EBF4: variants seen among roughly 807,000 people sequenced by gnomAD.
EBF4 encodes the protein transcription factor COE4.
EBF4 carries 34 observed loss-of-function variants against 67.1 expected under a neutral mutation model. The ratio of observed to expected loss-of-function variants is 0.51; its 90% CI spans 0.39 to 0.67. EBF4 has a LOEUF of 0.67. EBF4 is among the 30% of genes least tolerant of loss of function. EBF4 has a pLI of 0.00. For missense variants in EBF4, 837 were observed against 873.3 expected (o/e 0.96, Z 0.52); for synonymous variants, 387 against 377.7 (o/e 1.02, Z -0.29).
At chr20:2,731,658 G>T (rs770790165) in intron 6 of EBF4, among the ~76,000 whole-genome samples, 30 of 152,174 alleles carry the variant, frequency 2.0e-4, no homozygotes, top group Non-Finnish European at 4.0e-4. Context: ...CATCTGTCTG[G>T]CCACTTCTAC....
chr20:2,721,814 T>G (rs1017961569), intron 6 of EBF4, among the ~76,000 whole-genome samples: 2 of 152,230 alleles, frequency 1.3e-5, no homozygotes, highest in Non-Finnish European at 2.9e-5. Flanking sequence ...CTATTATATT[T>G]TTCTGCTGAT....
chr20:2,695,320 A>T (rs1393815640), intron 1 of EBF4, among the ~76,000 whole-genome samples: 1 of 152,078 alleles, frequency 6.6e-6, no homozygotes, highest in Non-Finnish European at 1.5e-5. Context: ...GGGGAAGCAG[A>T]CGTGAAGGAG....
intron 6 of EBF4, 99 bp from the exon 7 acceptor site, chr20:2,748,450 G>T: frequency 1.8e-6 from 2 of 1,141,468 alleles, no homozygotes; most frequent in Non-Finnish European, 2.5e-6. Flanking sequence ...AGGCAGAGGG[G>T]ACTCATCCTG....
Position 2,751,620 on chromosome 20 carries a change from T to C in EBF4, c.1019-80T>C, listed in dbSNP as rs1347325472. On this transcript the variant is annotated intron_variant, in intron 10 of 16. Coordinates refer to ENST00000609451, the Ensembl canonical transcript of EBF4. This position sits in a 1 kb window ranked among gnomAD's most constrained non-coding sequence, Gnocchi z 5.2. The stretch of plus-strand genomic sequence containing the variant: ...GAGGCTCTCGGACTGGGCGCTGGCC[T>C]GCTTTTGGCGCCCTGCGTCTCACCC... 1.4e-6 allele frequency: 2 copies of C among 1,450,502 alleles called. No individual in the cohort carries two copies. Among genetic ancestry groups the C allele is most frequent in the African/African-American group, 1.4e-5 (1 of 70,980 alleles). The allele number at this position is 1,450,502 out of a possible 1,614,324, so 89.9% of individuals were successfully genotyped here. A position where few individuals can be genotyped will look rare whatever the true frequency, so the allele number is the denominator to read the frequency against.
intron 1 of EBF4, among the ~76,000 whole-genome samples, chr20:2,702,160 G>A (rs559736608): frequency 5.9e-5 from 9 of 152,308 alleles, no homozygotes; most frequent in Admixed American, 3.9e-4. Flanking sequence ...GAGGCCGGGC[G>A]CAGTGGCTCA....
chr20:2,706,215 G>A lies in EBF4; in HGVS notation c.365G>A (p.Arg122Gln), dbSNP rs369945641. The change falls in exon 4 of 17, where the codon CGG (arginine) becomes CAG (glutamine). Residue 122 changes from arginine to glutamine, a missense_variant. Arg to Gln is a conservative substitution (Grantham distance 43). Around this residue, in one of 3 missense-constraint regions of EBF4, gnomAD observed 226 missense variants for 306.5 expected, o/e 0.74. Transcript: ENST00000609451. ...CTCCATCTTCCCATCCTAGGACTGCGGACAGAGCAAGACCTCTACGTGCGT... is the reference window on the plus strand; with the variant it reads ...CTCCATCTTCCCATCCTAGGACTGCAGACAGAGCAAGACCTCTACGTGCGT... The A allele has an allele frequency of 8.4e-6, 13 of 1,552,052 alleles. No homozygotes were observed. The African/African-American group carries it at 1.1e-4, about 13-fold the overall frequency.
chr20:2,714,428 C>T (rs1225064927), intron 6 of EBF4, among the ~76,000 whole-genome samples: 1 of 152,064 alleles, frequency 6.6e-6, no homozygotes, highest in African/African-American at 2.4e-5. Flanking sequence ...TCATAGCTCA[C>T]TGCACCTCGA....
At chr20:2,694,033 G>T (rs1032468432) in intron 1 of EBF4, among the ~76,000 whole-genome samples, 2 of 152,212 alleles carry the variant, frequency 1.3e-5, no homozygotes, top group African/African-American at 4.8e-5. Flanking sequence ...CGGGTGCGGC[G>T]GTGAACGCCA....
chr20:2,742,819 G>A (rs893826972), intron 6 of EBF4, among the ~76,000 whole-genome samples: 5 of 152,166 alleles, frequency 3.3e-5, no homozygotes, highest in African/African-American at 1.2e-4. Context: ...AAGCTTTAGA[G>A]GTGGGGGGTG....
rs201079828 is a variant in EBF4, at chr20:2,751,797, A to AGGGGC, written c.1107+25_1107+29dup. 1,048 of 553,388 alleles carry AGGGGC rather than the reference A, an allele frequency of 1.9e-3. 5 individuals carry two copies. Among genetic ancestry groups the AGGGGC allele is most frequent in the Non-Finnish European group, 5.7e-4 (178 of 310,908 alleles). The allele number at this position is 553,388 out of a possible 1,614,324, so 34.3% of individuals were successfully genotyped here. On this transcript the variant is annotated intron_variant, in intron 11 of 16. Coordinates refer to ENST00000609451, the Ensembl canonical transcript of EBF4. The surrounding 1 kb of genome is among the most constrained non-coding windows in gnomAD (Gnocchi z 5.2). Reference sequence around the variant, plus strand: ...CCGAGAGGCTGCCCAAGGTACTCAGAGGGGCGGGGCGGGGCGGGGCTGAGG... The same window carrying AGGGGC: ...CCGAGAGGCTGCCCAAGGTACTCAGAGGGGCGGGGCGGGGCGGGGCGGGGCTGAGG...
intron 14 of EBF4, among the ~76,000 whole-genome samples, chr20:2,753,321 T>G (rs940336823): frequency 1.3e-5 from 2 of 152,152 alleles, no homozygotes; most frequent in African/African-American, 4.8e-5. Context: ...CAGAGCTGGG[T>G]GGACAGGCAA....
At chr20:2,702,408 A>T (rs955446167) in intron 1 of EBF4, among the ~76,000 whole-genome samples, 1 of 150,862 alleles carries the variant, frequency 6.6e-6, no homozygotes, top group African/African-American at 2.5e-5. Context: ...AGCCTGGGTG[A>T]CAGAGCAAGA....
intron 6 of EBF4, among the ~76,000 whole-genome samples, chr20:2,728,623 G>A (rs2087774465): frequency 6.6e-6 from 1 of 152,076 alleles, no homozygotes; most frequent in East Asian, 1.9e-4. Context: ...TTCTTTCTGA[G>A]CTTTTGTAGA....
At position 2,693,853 on chromosome 20, in the gene EBF4, A is replaced by C. The variant is rs2087248248; in HGVS notation, c.137+71A>C. 8.0e-7 allele frequency: 1 copy of C among 1,253,776 alleles called. No homozygotes were observed. Among genetic ancestry groups the C allele is most frequent in the Non-Finnish European group, 1.0e-6 (1 of 998,694 alleles). 77.7% of individuals were successfully genotyped at this position (1,253,776 alleles called of 1,614,324 possible). A position where few individuals can be genotyped will look rare whatever the true frequency, so the allele number is the denominator to read the frequency against. On this transcript the variant is annotated intron_variant, in intron 1 of 16. Transcript: ENST00000609451. The surrounding 1 kb of genome is among the most constrained non-coding windows in gnomAD (Gnocchi z 4.6). ...GCGCCGCCTCAGCTCAGCTTGCTGG[A>C]GCTGCTGGAGCCAGGGGCGGAAGGA... is the stretch of plus-strand genomic sequence containing the variant.
intron 6 of EBF4, among the ~76,000 whole-genome samples, chr20:2,719,392 C>T (rs1174415426): frequency 6.6e-6 from 1 of 152,090 alleles, no homozygotes; most frequent in South Asian, 2.1e-4. Flanking sequence ...CTCCTGCCTC[C>T]GCCTCCTGAG....
chr20:2,703,134 G>A (rs923033968), intron 1 of EBF4, among the ~76,000 whole-genome samples: 1 of 151,918 alleles, frequency 6.6e-6, no homozygotes, highest in East Asian at 1.9e-4. Flanking sequence ...GTGCATGCCT[G>A]TAGTCCCAGC....
At chr20:2,735,511 A>G (rs1264976880) in intron 6 of EBF4, among the ~76,000 whole-genome samples, 1 of 152,228 alleles carries the variant, frequency 6.6e-6, no homozygotes, top group Non-Finnish European at 1.5e-5. Context: ...GATTTTGACC[A>G]TGTTTGCCAG....
intron 6 of EBF4, among the ~76,000 whole-genome samples, chr20:2,715,006 G>A (rs889644364): frequency 5.3e-5 from 8 of 152,018 alleles, no homozygotes; most frequent in Non-Finnish European, 2.9e-5. Flanking sequence ...AAATTATAAG[G>A]TATAATTAAA....
chr20:2,732,418 G>A (rs79014310), intron 6 of EBF4, among the ~76,000 whole-genome samples: 4,441 of 152,208 alleles, frequency 0.029, 70 homozygotes, highest in Non-Finnish European at 0.042. Flanking sequence ...CACCACACCC[G>A]GACTGTTATT....
Sources: gnomAD v4.1 joint callset for allele counts (sites outside exome capture counted in the v4.1 genomes callset) on GRCh38, gnomAD v4.1.1 for gene constraint, gnomAD v4.1.1 regional missense constraint, Gnocchi (gnomAD v3.1) non-coding constraint, MANE v1.5 for transcripts, NCBI Gene and HGNC (gene_info 2026-07-23, HGNC 2026-07-21) for gene names.